The following PDE8B variants were observed in gnomAD, a reference collection of about 807,000 sequenced individuals.
The protein encoded by PDE8B is high affinity cAMP-specific and IBMX-insensitive 3',5'-cyclic phosphodiesterase 8B.
Under a neutral mutation model 101.3 loss-of-function variants are expected in PDE8B, and 26 were observed. That is an observed-to-expected ratio of 0.26 (90% CI 0.19 to 0.36). PDE8B has a LOEUF of 0.36. PDE8B is among the 10% of genes least tolerant of loss of function. The probability of loss-of-function intolerance (pLI) is 1.00; values close to 1 mark genes in which losing one functional copy is unlikely to be tolerated. For missense variants in PDE8B, 810 were observed against 1,163.1 expected (o/e 0.70, Z 4.42); for synonymous variants, 424 against 429.3 (o/e 0.99, Z 0.15).
chr5:77,195,554 T>C, the PDE8B span, among the ~76,000 whole-genome samples: 9 of 152,200 alleles, frequency 5.9e-5, no homozygotes, highest in African/African-American at 2.2e-4. Context: ...CCTTGAACAC[T>C]GTGGGGGTAA....
the PDE8B span, chr5:77,088,627 T>C: frequency 2.0e-5 from 3 of 152,198 alleles, no homozygotes; most frequent in East Asian, 5.8e-4. Flanking sequence ...CGTCCAGCGG[T>C]GGATTCTCTA....
chr5:77,414,676 C>T (rs972615141), intron 17 of PDE8B, among the ~76,000 whole-genome samples: 15 of 151,904 alleles, frequency 9.9e-5, no homozygotes, highest in East Asian at 1.9e-4. Flanking sequence ...GTGATCCACC[C>T]GCCTCAACCT....
In PDE8B at chr5:77,413,210, C is replaced by A; in HGVS notation, c.1812C>A (p.Ile604=). ...CTCTTCGGGCCTGGTTCCAAGTGAT[C>A]GAAGCCAACTACCACTCTTCCAATG... ...ETTLRAWFQV[I]EANYHSSNAY... Residue 604 remains isoleucine, a synonymous_variant, in exon 17 of 22, where the codon ATC becomes ATA. Transcript: ENST00000264917. 1 of 1,613,908 alleles carries A rather than the reference C, an allele frequency of 6.2e-7. No homozygotes were observed. The highest frequency in any genetic ancestry group is 8.5e-7 in the Non-Finnish European group (1 of 1,179,870).
At chr5:77,243,928 A>G (rs994974689) in intron 1 of PDE8B, among the ~76,000 whole-genome samples, 3 of 152,110 alleles carry the variant, frequency 2.0e-5, no homozygotes, top group African/African-American at 7.2e-5. Flanking sequence ...TTTCCAAAGT[A>G]CTTGTAACAT....
At chr5:77,272,184 A>G (rs1399120023) in intron 1 of PDE8B, among the ~76,000 whole-genome samples, 1 of 152,212 alleles carries the variant, frequency 6.6e-6, no homozygotes, top group Non-Finnish European at 1.5e-5. Flanking sequence ...GGGGAACAGC[A>G]AATCATGGGA....
chr5:77,111,606 C>G, the PDE8B span, among the ~76,000 whole-genome samples: 2 of 152,124 alleles, frequency 1.3e-5, no homozygotes, highest in Non-Finnish European at 2.9e-5. Context: ...TTTCAAGGTG[C>G]TTTACAACAA....
intron 10 of PDE8B, among the ~76,000 whole-genome samples, chr5:77,396,000 A>C (rs956433667): frequency 5.9e-5 from 9 of 152,226 alleles, no homozygotes; most frequent in Non-Finnish European, 8.8e-5. Flanking sequence ...TCTGGATCAC[A>C]TATAGCCATC....
intron 10 of PDE8B, among the ~76,000 whole-genome samples, chr5:77,395,000 C>T (rs1339738133): frequency 6.6e-6 from 1 of 152,142 alleles, no homozygotes; most frequent in East Asian, 1.9e-4. Flanking sequence ...AGGGTAAATA[C>T]AGAAAACTGG....
intron 2 of PDE8B, among the ~76,000 whole-genome samples, chr5:77,323,529 G>T (rs1024715524): frequency 1.3e-5 from 2 of 152,214 alleles, no homozygotes; most frequent in African/African-American, 4.8e-5. Context: ...TATTATAAGA[G>T]CTAGGAAAAT....
intron 1 of PDE8B, among the ~76,000 whole-genome samples, chr5:77,231,654 C>T (rs138382641): frequency 4.6e-5 from 7 of 152,322 alleles, no homozygotes; most frequent in African/African-American, 1.7e-4. Flanking sequence ...GGAAACAGCT[C>T]ACCCCCAGAT....
At chr5:77,250,124 T>A (rs1250197961) in intron 1 of PDE8B, among the ~76,000 whole-genome samples, 1 of 152,164 alleles carries the variant, frequency 6.6e-6, no homozygotes, top group Non-Finnish European at 1.5e-5. Context: ...AATAAGAAAT[T>A]AACATTTATT....
At chr5:77,252,734 C>T (rs1758322370) in intron 1 of PDE8B, among the ~76,000 whole-genome samples, 1 of 152,124 alleles carries the variant, frequency 6.6e-6, no homozygotes, top group Admixed American at 6.5e-5. Flanking sequence ...TCTTATCATT[C>T]CTCCTGGCAG....
chr5:77,228,493 G>A (rs1339812175), intron 1 of PDE8B, among the ~76,000 whole-genome samples: 2 of 152,218 alleles, frequency 1.3e-5, no homozygotes, highest in South Asian at 2.1e-4. Flanking sequence ...ATAATGCAGT[G>A]TCTGGATGTC....
At chr5:77,267,366 G>A (rs956214827) in intron 1 of PDE8B, among the ~76,000 whole-genome samples, 1 of 151,972 alleles carries the variant, frequency 6.6e-6, no homozygotes, top group Middle Eastern at 3.2e-3. Context: ...CTTGAACCTG[G>A]GAGGCGGAGG....
At chr5:77,342,489 G>A (rs1779377254) in intron 6 of PDE8B, among the ~76,000 whole-genome samples, 1 of 150,108 alleles carries the variant, frequency 6.7e-6, no homozygotes, top group Admixed American at 6.7e-5. Flanking sequence ...GCCTTTATGA[G>A]TGGAAAAAAA....
chr5:77,192,221 G>A, the PDE8B span, among the ~76,000 whole-genome samples: 1 of 152,152 alleles, frequency 6.6e-6, no homozygotes, highest in East Asian at 1.9e-4. Context: ...ACAGTTTGAT[G>A]AGTTTTGACA....
chr5:77,246,360 C>G (rs1353741146), intron 1 of PDE8B, among the ~76,000 whole-genome samples: 3 of 152,196 alleles, frequency 2.0e-5, no homozygotes, highest in Non-Finnish European at 4.4e-5. Flanking sequence ...CCTCCGCCAT[C>G]TGAGGTCAGG....
the PDE8B span, among the ~76,000 whole-genome samples, chr5:77,110,593 A>T: frequency 2.6e-5 from 4 of 152,236 alleles, no homozygotes; most frequent in Non-Finnish European, 2.9e-5. Context: ...TGTATATCAC[A>T]GGACAGCAAG....
the PDE8B span, among the ~76,000 whole-genome samples, chr5:77,135,512 T>C: frequency 6.9e-6 from 1 of 145,372 alleles, no homozygotes; most frequent in African/African-American, 2.6e-5. Flanking sequence ...GGAGTCTCGC[T>C]GTGGCCCAGG....
Sources: gnomAD v4.1 joint callset for allele counts (sites outside exome capture counted in the v4.1 genomes callset) on GRCh38, gnomAD v4.1.1 for gene constraint, MANE v1.5 for transcripts, NCBI Gene and HGNC (gene_info 2026-07-23, HGNC 2026-07-21) for gene names.